Variants in CNTN3 observed in about 807,000 individuals in gnomAD.
CNTN3 encodes the protein contactin 3.
Under a neutral mutation model 119.1 loss-of-function variants are expected in CNTN3, and 60 were observed. The ratio of observed to expected loss-of-function variants is 0.50; its 90% CI spans 0.41 to 0.62. The LOEUF (loss-of-function observed/expected upper bound fraction) is 0.62, where lower values mean the gene tolerates loss of function less well. Ranked by LOEUF, CNTN3 falls within the 20% of genes least tolerant of loss-of-function variation. The probability of loss-of-function intolerance (pLI) is 0.00; values close to 1 mark genes in which losing one functional copy is unlikely to be tolerated. For synonymous variants in CNTN3, 450 were observed against 438.7 expected (o/e 1.03, Z -0.32); for missense variants, 1,101 against 1,242.4 (o/e 0.89, Z 1.71).
rs555375891 is a variant in CNTN3 at position 74,338,562 on chromosome 3, T to C, written c.1365-1904A>G. On this transcript the variant is annotated intron_variant, in intron 11 of 22. Coordinates refer to ENST00000263665, the MANE Select transcript of CNTN3 (RefSeq NM_020872.3). Reference sequence around the variant, plus strand: ...CATATTTTTCTCCTCCAGTAGACTATAGGAGACTGCCACCCATCACTTTAT... The same window carrying C: ...CATATTTTTCTCCTCCAGTAGACTACAGGAGACTGCCACCCATCACTTTAT... Among the ~76,000 whole-genome samples, 11 of 152,114 alleles carry C rather than the reference T, an allele frequency of 7.2e-5. No homozygotes were observed. In the East Asian group the frequency reaches 1.5e-3, roughly 21 times the overall value.
Position 74,561,433 on chromosome 3 carries a change from C to A in CNTN3, c.-80-40241G>T, listed in dbSNP as rs370202128. ...TGACCCTCTGACTTCTTCACCACATCCAGATCCCAGTGGCTGCCTTTTTGT... is the reference window on the plus strand; with the variant it reads ...TGACCCTCTGACTTCTTCACCACATACAGATCCCAGTGGCTGCCTTTTTGT... On this transcript the variant is annotated intron_variant, in intron 1 of 22. Coordinates refer to ENST00000263665, the MANE Select transcript of CNTN3 (RefSeq NM_020872.3). Among the ~76,000 whole-genome samples, 3 of 152,168 alleles carry A rather than the reference C, an allele frequency of 2.0e-5. No homozygotes were observed. The East Asian group carries it at 5.8e-4, about 29-fold the overall frequency.
intron 2 of CNTN3, among the ~76,000 whole-genome samples, chr3:74,506,550 G>A (rs1316072936): frequency 6.6e-6 from 1 of 151,722 alleles, no homozygotes; most frequent in Non-Finnish European, 1.5e-5. Context: ...TTATGAATGT[G>A]AGCTTTAATG....
chr3:74,299,867 C>T lies in CNTN3; in HGVS notation c.2166+1G>A. The T allele has an allele frequency of 6.2e-7, 1 of 1,606,352 alleles. No homozygotes were observed. On this transcript the variant is annotated splice_donor_variant, in intron 17 of 22. Coordinates refer to ENST00000263665, the MANE Select transcript of CNTN3 (RefSeq NM_020872.3). LOFTEE classifies it high-confidence loss of function. Reference sequence around the variant, plus strand: ...GGGGAAGATGCTGCCCAAACACTTACATCCCAGGTTATCACAAGTTCAGAC... The same window carrying T: ...GGGGAAGATGCTGCCCAAACACTTATATCCCAGGTTATCACAAGTTCAGAC...
intron 13 of CNTN3, among the ~76,000 whole-genome samples, chr3:74,312,331 C>CTGTA (rs1051265173): frequency 2.8e-4 from 43 of 151,836 alleles, no homozygotes; most frequent in African/African-American, 9.7e-4. Context: ...TGGCGGGTGC[C>CTGTA]TGTAGTCCCA....
chr3:74,293,051 G>A lies in CNTN3; in HGVS notation c.2517+2070C>T, dbSNP rs558508347. 2.0e-4 allele frequency among the ~76,000 whole-genome samples: 30 copies of A among 152,182 alleles called. No homozygotes were observed. In the South Asian group the frequency reaches 5.8e-3, roughly 29 times the overall value. ...CTCTTCCTTAAGTCCAGACTATTCTGTCTCTGATCAGGCTTCTCTGTCAAG... is the reference window on the plus strand; with the variant it reads ...CTCTTCCTTAAGTCCAGACTATTCTATCTCTGATCAGGCTTCTCTGTCAAG... On this transcript the variant is annotated intron_variant, in intron 19 of 22. Transcript: ENST00000263665.
chr3:74,288,824 CTG>C (rs1190652404), intron 19 of CNTN3, among the ~76,000 whole-genome samples: 1 of 152,178 alleles, frequency 6.6e-6, no homozygotes, highest in Non-Finnish European at 1.5e-5. Context: ...TTCATCATGT[CTG>C]TATCTCTTGT....
At chr3:74,453,413 C>G (rs1031899482) in intron 4 of CNTN3, among the ~76,000 whole-genome samples, 12 of 151,790 alleles carry the variant, frequency 7.9e-5, no homozygotes, top group Non-Finnish European at 1.8e-4. Context: ...CTCTTTTTTT[C>G]TTTATTAGTC....
intron 4 of CNTN3, among the ~76,000 whole-genome samples, chr3:74,452,977 C>A (rs1452467382): frequency 6.6e-6 from 1 of 151,156 alleles, no homozygotes; most frequent in Non-Finnish European, 1.5e-5. Context: ...CTAAAATTCT[C>A]TTTTTTGGTT....
intron 13 of CNTN3, among the ~76,000 whole-genome samples, chr3:74,313,236 G>T (rs1306946460): frequency 1.3e-5 from 2 of 151,884 alleles, no homozygotes; most frequent in African/African-American, 2.4e-5. Context: ...GAGAAGAAAG[G>T]GAGAAAGGGA....
chr3:74,358,921 C>T, intron 11 of CNTN3, among the ~76,000 whole-genome samples: 1 of 152,012 alleles, frequency 6.6e-6, no homozygotes, highest in Admixed American at 6.5e-5. Flanking sequence ...TCATCCATGT[C>T]CCTACAGAGG....
chr3:74,591,143 C>T (rs529865061), intron 1 of CNTN3, among the ~76,000 whole-genome samples: 59 of 151,948 alleles, frequency 3.9e-4, no homozygotes, highest in Non-Finnish European at 6.5e-4. Context: ...TTAATGTCCC[C>T]GTATTTCTAC....
At chr3:74,459,659 C>T (rs1163583284) in intron 4 of CNTN3, among the ~76,000 whole-genome samples, 2 of 151,894 alleles carry the variant, frequency 1.3e-5, no homozygotes, top group Non-Finnish European at 2.9e-5. Context: ...AAACTCTTTT[C>T]CTCTACCTTT....
intron 4 of CNTN3, among the ~76,000 whole-genome samples, chr3:74,477,320 C>T (rs1414974997): frequency 6.6e-6 from 1 of 152,098 alleles, no homozygotes; most frequent in Non-Finnish European, 1.5e-5. Flanking sequence ...TTGAGCAATA[C>T]ACTTTACTAA....
In CNTN3 at chr3:74,527,408, A is replaced by G. The variant is rs191896456; in HGVS notation, c.-80-6216T>C. 2.4e-4 allele frequency among the ~76,000 whole-genome samples: 36 copies of G among 152,008 alleles called. No homozygotes were observed. The Middle Eastern group carries it at 0.01, about 43-fold the overall frequency. ...TCTTGTTGTATGTATATTGCAGTAG[A>G]TGGGGCGGCAATACAAAAATATTGC... On this transcript the variant is annotated intron_variant, in intron 1 of 22. Coordinates refer to ENST00000263665, the MANE Select transcript of CNTN3 (RefSeq NM_020872.3).
chr3:74,476,359 C>T (rs1702655016), intron 4 of CNTN3, among the ~76,000 whole-genome samples: 1 of 152,112 alleles, frequency 6.6e-6, no homozygotes, highest in Admixed American at 6.5e-5. Flanking sequence ...TGGGCTACAT[C>T]AAGCGAATAT....
intron 1 of CNTN3, among the ~76,000 whole-genome samples, chr3:74,612,861 AC>A (rs1705106003): frequency 6.6e-6 from 1 of 152,146 alleles, no homozygotes; most frequent in African/African-American, 2.4e-5. Context: ...TCTTTAATGA[AC>A]ATTCACAAGG....
chr3:74,365,509 G>A, intron 9 of CNTN3, 57 bp downstream of exon 9: 1 of 1,605,944 alleles, frequency 6.2e-7, no homozygotes. Context: ...AACACCAAGT[G>A]AGGAAAGGGT....
At chr3:74,311,821 G>A (rs1702690692) in intron 13 of CNTN3, among the ~76,000 whole-genome samples, 1 of 152,176 alleles carries the variant, frequency 6.6e-6, no homozygotes, top group African/African-American at 2.4e-5. Context: ...AGAGAAGTGA[G>A]GTCATAGGAC....
chr3:74,587,316 T>C (rs1015338117), intron 1 of CNTN3, among the ~76,000 whole-genome samples: 1 of 152,072 alleles, frequency 6.6e-6, no homozygotes, highest in Non-Finnish European at 1.5e-5. Context: ...ACTTTGAATA[T>C]AGTCATGTCC....
Sources: allele counts gnomAD v4.1 joint callset (sites outside exome capture counted in the v4.1 genomes callset), GRCh38; gene constraint gnomAD v4.1.1; transcripts MANE v1.5; gene names NCBI Gene and HGNC (gene_info 2026-07-23, HGNC 2026-07-21).